Variants in MIPEP observed in about 807,000 individuals in gnomAD.
MIPEP encodes the protein mitochondrial intermediate peptidase.
In MIPEP, 79 loss-of-function variants were observed where a neutral mutation model predicts 90.3. The ratio of observed to expected loss-of-function variants is 0.87; its 90% CI spans 0.73 to 1.05. MIPEP has a LOEUF of 1.05. Ranked by LOEUF, MIPEP falls within the 50% of genes least tolerant of loss-of-function variation. MIPEP has a pLI of 0.00. For synonymous variants in MIPEP, 334 were observed against 315.8 expected, an observed-to-expected ratio of 1.06 and a Z score of -0.61; for missense variants, 940 against 905.6, an observed-to-expected ratio of 1.04 and a Z score of -0.49.
intron 16 of MIPEP, among the ~76,000 whole-genome samples, chr13:23,777,681 A>G (rs1273306342): frequency 6.6e-6 from 1 of 152,150 alleles, no homozygotes; most frequent in African/African-American, 2.4e-5. Flanking sequence ...AGTCCAATAG[A>G]CTAGTTTGAG....
In MIPEP at chr13:23,851,388, A is replaced by T. The variant is rs575533836; in HGVS notation, c.1106+7472T>A. On this transcript the variant is annotated intron_variant, in intron 10 of 18. Coordinates refer to ENST00000382172, the MANE Select transcript of MIPEP (RefSeq NM_005932.4). ...TTTATAATGACGCTTTACAAAGAGA[A>T]AGCCAGATAATACTCATTTGTCACT... 2.6e-5 allele frequency among the ~76,000 whole-genome samples: 4 copies of T among 152,378 alleles called. No individual in the cohort carries two copies. The South Asian group carries it at 8.3e-4, about 32-fold the overall frequency.
chr13:23,842,856 T>C (rs1455470443), intron 10 of MIPEP, among the ~76,000 whole-genome samples: 1 of 151,790 alleles, frequency 6.6e-6, no homozygotes, highest in Admixed American at 6.6e-5. Context: ...TCCCAGCACT[T>C]TGGGAGGCTG....
intron 14 of MIPEP, among the ~76,000 whole-genome samples, chr13:23,813,767 C>T (rs932507780): frequency 6.6e-6 from 1 of 152,052 alleles, no homozygotes; most frequent in Admixed American, 6.5e-5. Flanking sequence ...GTCCAGCCCC[C>T]AAATAATTTC....
intron 14 of MIPEP, among the ~76,000 whole-genome samples, chr13:23,816,257 C>A (rs971890887): frequency 4.6e-5 from 7 of 152,164 alleles, no homozygotes; most frequent in Non-Finnish European, 1.0e-4. Flanking sequence ...TGTTATTGCT[C>A]TCTTTTCCTT....
intron 16 of MIPEP, among the ~76,000 whole-genome samples, chr13:23,790,385 C>T (rs1230692969): frequency 6.6e-6 from 1 of 152,182 alleles, no homozygotes; most frequent in Non-Finnish European, 1.5e-5. Context: ...TTCTGTGTGG[C>T]AGAAAGAATA....
chr13:23,839,288 C>T (rs541381214), intron 12 of MIPEP, among the ~76,000 whole-genome samples: 1 of 152,306 alleles, frequency 6.6e-6, no homozygotes, highest in East Asian at 1.9e-4. Flanking sequence ...ACCTCTATGG[C>T]TTCAGTTTCC....
chr13:23,806,148 T>C, intron 15 of MIPEP, 79 bp from the exon 16 acceptor site: 1 of 1,448,156 alleles, frequency 6.9e-7, no homozygotes, highest in Non-Finnish European at 9.6e-7. Flanking sequence ...ATGCTATAAG[T>C]GCACCAGAAC....
intron 7 of MIPEP, among the ~76,000 whole-genome samples, chr13:23,864,960 C>A (rs1458811320): frequency 6.6e-6 from 1 of 151,472 alleles, no homozygotes; most frequent in Non-Finnish European, 1.5e-5. Context: ...TTCTTGATAA[C>A]AATTTTATTG....
intron 16 of MIPEP, among the ~76,000 whole-genome samples, chr13:23,787,814 A>T (rs1394956537): frequency 6.6e-6 from 1 of 152,196 alleles, no homozygotes; most frequent in East Asian, 1.9e-4. Context: ...GGCTCTAGGG[A>T]AATGGATGTT....
chr13:23,856,704 T>G (rs938788062), intron 10 of MIPEP, among the ~76,000 whole-genome samples: 1 of 152,124 alleles, frequency 6.6e-6, no homozygotes, highest in African/African-American at 2.4e-5. Context: ...TTTACTTCAT[T>G]CTGTTTGGAC....
intron 16 of MIPEP, among the ~76,000 whole-genome samples, chr13:23,793,912 T>C (rs1275802742): frequency 2.0e-5 from 3 of 152,064 alleles, no homozygotes; most frequent in East Asian, 1.9e-4. Flanking sequence ...ACGCAGGAAC[T>C]TGCAAGTGGG....
chr13:23,853,414 C>T (rs923069826), intron 10 of MIPEP, among the ~76,000 whole-genome samples: 2 of 152,050 alleles, frequency 1.3e-5, no homozygotes, highest in African/African-American at 2.4e-5. Flanking sequence ...CAGCTGCCTA[C>T]AGTTTTCAGT....
intron 6 of MIPEP, 123 bp from the exon 7 acceptor site, chr13:23,869,571 G>T: frequency 1.1e-6 from 1 of 908,672 alleles, no homozygotes; most frequent in Non-Finnish European, 1.6e-6. Context: ...ATAAAGCAAT[G>T]GTCTACACGA....
chr13:23,818,469 C>CTTA (rs990835069), intron 14 of MIPEP, among the ~76,000 whole-genome samples: 1 of 137,118 alleles, frequency 7.3e-6, no homozygotes, highest in Non-Finnish European at 1.6e-5. Context: ...AATAAATAAA[C>CTTA]TTAACAGAGT....
At chr13:23,764,015 T>C (rs1952571423) in intron 16 of MIPEP, among the ~76,000 whole-genome samples, 1 of 152,248 alleles carries the variant, frequency 6.6e-6, no homozygotes, top group Non-Finnish European at 1.5e-5. Context: ...TCTTAAGCGC[T>C]GGAATTATGA....
chr13:23,778,665 G>A lies in MIPEP; in HGVS notation c.1849-18448C>T, dbSNP rs550670272. 1.1e-4 allele frequency among the ~76,000 whole-genome samples: 16 copies of A among 151,244 alleles called. No homozygotes were observed. In the East Asian group the frequency reaches 1.8e-3, roughly 17 times the overall value. ...ACCATTTTTATCATGTCAATTACCC[G>A]TTTTTTTCAATTCCCCTTTCAAGCT... On this transcript the variant is annotated intron_variant, in intron 16 of 18. Coordinates refer to ENST00000382172, the MANE Select transcript of MIPEP (RefSeq NM_005932.4).
chr13:23,795,420 A>G (rs183026281), intron 16 of MIPEP, among the ~76,000 whole-genome samples: 131 of 152,332 alleles, frequency 8.6e-4, no homozygotes, highest in African/African-American at 3.1e-3. Context: ...GCCAAGGTCC[A>G]AAGCAACCCT....
chr13:23,837,043 G>A (rs1431721320), intron 13 of MIPEP, among the ~76,000 whole-genome samples: 2 of 152,174 alleles, frequency 1.3e-5, no homozygotes, highest in Non-Finnish European at 2.9e-5. Context: ...AAGGAAGTCT[G>A]TAATATCACA....
chr13:23,828,308 A>G (rs891840124), intron 14 of MIPEP, among the ~76,000 whole-genome samples: 2 of 152,244 alleles, frequency 1.3e-5, no homozygotes, highest in African/African-American at 4.8e-5. Context: ...CTTTTACTCA[A>G]CATTAAGGAG....
Sources: gnomAD v4.1 joint callset for allele counts (sites outside exome capture counted in the v4.1 genomes callset) on GRCh38, gnomAD v4.1.1 for gene constraint, MANE v1.5 for transcripts, NCBI Gene and HGNC (gene_info 2026-07-23, HGNC 2026-07-21) for gene names.